Variants in TUBGCP3 observed in about 807,000 individuals in gnomAD.
TUBGCP3 encodes the protein tubulin gamma complex component 3, also known as gamma-tubulin complex component 3.
Under a neutral mutation model 123.1 loss-of-function variants are expected in TUBGCP3, and 50 were observed. The ratio of observed to expected loss-of-function variants is 0.41; its 90% CI spans 0.32 to 0.51. The LOEUF (loss-of-function observed/expected upper bound fraction) is 0.51. Ranked by LOEUF, TUBGCP3 falls within the 20% of genes least tolerant of loss-of-function variation. The probability of loss-of-function intolerance (pLI) is 0.36; values close to 1 mark genes in which losing one functional copy is unlikely to be tolerated. For missense variants in TUBGCP3, 882 were observed against 1,127.0 expected (o/e 0.78, Z 3.11); for synonymous variants, 405 against 413.9 (o/e 0.98, Z 0.26).
At chr13:112,549,570 CTTAA>C in intron 8 of TUBGCP3, among the ~76,000 whole-genome samples, 1 of 152,178 alleles carries the variant, frequency 6.6e-6, no homozygotes, top group Non-Finnish European at 1.5e-5. Context: ...CTTTCATGCT[CTTAA>C]TTAACAAAAT....
At position 112,526,956 on chromosome 13, in the gene TUBGCP3, T is replaced by C. The variant is rs1377560772; in HGVS notation, c.1541A>G (p.Glu514Gly). 1.9e-6 allele frequency: 3 copies of C among 1,613,736 alleles called. No homozygotes were observed. The highest frequency in any genetic ancestry group is 2.2e-5 in the South Asian group (2 of 91,076). The change falls in exon 13 of 22, where the codon GAG becomes GGG. Residue 514 changes from glutamate (E) to glycine (G), a missense_variant. Glu to Gly is a moderately conservative substitution (Grantham distance 98). Around this residue, in one of 3 missense-constraint regions of TUBGCP3, gnomAD observed 713 missense variants for 874.0 expected, o/e 0.82. Transcript: ENST00000261965. ...TKMIAVTKSAESPQDAADLFT... is the reference protein window; with the variant it reads ...TKMIAVTKSAGSPQDAADLFT... Reference sequence around the variant, plus strand: ...CATCATCATACCGTCCTGGGGTGACTCTGCAGACTTGGTCACAGCTATCAT... The same window carrying C: ...CATCATCATACCGTCCTGGGGTGACCCTGCAGACTTGGTCACAGCTATCAT...
intron 1 of TUBGCP3, among the ~76,000 whole-genome samples, chr13:112,578,240 A>T (rs889964546): frequency 6.6e-6 from 1 of 152,086 alleles, no homozygotes; most frequent in Non-Finnish European, 1.5e-5. Flanking sequence ...TTGCTCTCCC[A>T]GGATCGATTG....
chr13:112,554,832 T>G (rs559256185), intron 7 of TUBGCP3, 55 bp downstream of exon 7: 1 of 1,328,216 alleles, frequency 7.5e-7, no homozygotes, highest in African/African-American at 1.5e-5. Context: ...TATCTGGACT[T>G]CATGACATGT....
chr13:112,580,206 A>G (rs1186056791), intron 1 of TUBGCP3, among the ~76,000 whole-genome samples: 3 of 152,208 alleles, frequency 2.0e-5, no homozygotes. Flanking sequence ...GAACCTAAAC[A>G]CTGAGAATTT....
At chr13:112,516,240 G>C (rs1876111726) in intron 17 of TUBGCP3, among the ~76,000 whole-genome samples, 200 bp downstream of exon 17, 1 of 152,014 alleles carries the variant, frequency 6.6e-6, no homozygotes, top group Non-Finnish European at 1.5e-5. Context: ...TTAAAAATAG[G>C]CAATTTTTAA....
At position 112,526,945 on chromosome 13, in the gene TUBGCP3, C is replaced by T. The variant is rs751651831; in HGVS notation, c.1552G>A (p.Asp518Asn). ...CACCCCACCAGCATCATCATACCGT[C>T]CTGGGGTGACTCTGCAGACTTGGTC... ...AVTKSAESPQ[D>N]AADLFTDLEN... Residue 518 changes from aspartate to asparagine, a missense_variant, in exon 13 of 22, where the codon GAC (aspartate) becomes AAC (asparagine). Physicochemically the swap from Asp to Asn is conservative, Grantham distance 23. Coordinates refer to ENST00000261965, the MANE Select transcript of TUBGCP3 (RefSeq NM_006322.6). 1.9e-6 allele frequency: 3 copies of T among 1,611,714 alleles called. No homozygotes were observed. The highest frequency in any genetic ancestry group is 1.3e-5 in the African/African-American group (1 of 74,998).
At chr13:112,530,150 CAT>C (rs1361748811) in intron 11 of TUBGCP3, among the ~76,000 whole-genome samples, 3 of 152,112 alleles carry the variant, frequency 2.0e-5, no homozygotes, top group Non-Finnish European at 2.9e-5. Context: ...AACACTAGCA[CAT>C]GTGATTAGAA....
rs778717224 is a variant in TUBGCP3 at position 112,554,921 on chromosome 13, T to C, written c.806A>G (p.Asn269Ser). The C allele has an allele frequency of 6.2e-7, 1 of 1,612,646 alleles. No individual in the cohort carries two copies. Among genetic ancestry groups the C allele is most frequent in the South Asian group, 1.1e-5 (1 of 90,490 alleles). The change falls in exon 7 of 22, where the codon AAC (asparagine) becomes AGC (serine). Residue 269 changes from asparagine to serine, a missense_variant. This residue lies in a region of TUBGCP3 where 713 missense variants were observed against 874.0 expected (regional missense o/e 0.82). Transcript: ENST00000261965. ...TACTTTGTAACAATTTTCAGTGTTG[T>C]TCATTTTGATGTTTTTGCCATCTAT... is the stretch of plus-strand genomic sequence containing the variant. ...QGIDGKNIKM[N>S]NTENCYKVEG...
chr13:112,562,093 A>G (rs1880555948), intron 3 of TUBGCP3, among the ~76,000 whole-genome samples: 1 of 151,832 alleles, frequency 6.6e-6, no homozygotes, highest in South Asian at 2.1e-4. Flanking sequence ...GAATACCACC[A>G]GCCAGGACCC....
chr13:112,490,012 C>T (rs1879969841), intron 20 of TUBGCP3, among the ~76,000 whole-genome samples: 1 of 150,724 alleles, frequency 6.6e-6, no homozygotes, highest in African/African-American at 2.4e-5. Flanking sequence ...TTCTATCCTT[C>T]CCTCGTGCTG....
chr13:112,505,363 G>A (rs1019107906), intron 17 of TUBGCP3, among the ~76,000 whole-genome samples: 2 of 152,232 alleles, frequency 1.3e-5, no homozygotes, highest in Non-Finnish European at 2.9e-5. Flanking sequence ...AGGCCCATCA[G>A]TGAGGTGATT....
chr13:112,520,661 T>G (rs901996875), intron 14 of TUBGCP3, among the ~76,000 whole-genome samples: 8 of 152,236 alleles, frequency 5.3e-5, no homozygotes, highest in African/African-American at 1.9e-4. Context: ...TAATTTCCTT[T>G]TAGACCCAAT....
chr13:112,500,437 A>T (rs1880828945), intron 19 of TUBGCP3, among the ~76,000 whole-genome samples: 1 of 152,234 alleles, frequency 6.6e-6, no homozygotes, highest in Non-Finnish European at 1.5e-5. Context: ...AAAAAGAAGC[A>T]AAGGCAGACT....
At chr13:112,547,974 C>T in intron 9 of TUBGCP3, 134 bp downstream of exon 9, 1 of 908,748 alleles carries the variant, frequency 1.1e-6, no homozygotes, top group Non-Finnish European at 1.6e-6. Flanking sequence ...ATATTCAAAC[C>T]TTACAAATAA....
intron 3 of TUBGCP3, among the ~76,000 whole-genome samples, chr13:112,563,137 C>A (rs1348123679): frequency 3.3e-5 from 5 of 152,214 alleles, no homozygotes; most frequent in Non-Finnish European, 7.3e-5. Context: ...CTCCCGTCTC[C>A]ACGTCAACCT....
At chr13:112,521,587 A>T in intron 14 of TUBGCP3, 3 of 884,782 alleles carry the variant, frequency 3.4e-6, no homozygotes, top group Non-Finnish European at 4.1e-6. Context: ...GAGGCCTAAA[A>T]CAATTGCTTG....
chr13:112,545,933 C>T lies in TUBGCP3; in HGVS notation c.1169-68G>A, dbSNP rs976938911. The stretch of plus-strand genomic sequence containing the variant: ...CACTCATAGTACACACCAGTCACTT[C>T]TCACCAACCAAAGACGCCCAAGTAA... On this transcript the variant is annotated intron_variant, in intron 10 of 21. Transcript: ENST00000261965. This position sits in a 1 kb window ranked among gnomAD's most constrained non-coding sequence, Gnocchi z 4.1. The T allele has an allele frequency of 6.5e-6, 10 of 1,544,304 alleles. No homozygotes were observed. In the African/African-American group the frequency reaches 8.2e-5, roughly 13 times the overall value.
chr13:112,541,075 A>C (rs1032304028), intron 11 of TUBGCP3, among the ~76,000 whole-genome samples: 1 of 152,192 alleles, frequency 6.6e-6, no homozygotes, highest in Non-Finnish European at 1.5e-5. Context: ...TTAAAGAAAA[A>C]AGTACAGAAG....
chr13:112,507,472 G>A (rs985183854), intron 17 of TUBGCP3, among the ~76,000 whole-genome samples: 7 of 152,204 alleles, frequency 4.6e-5, no homozygotes, highest in Non-Finnish European at 2.9e-5. Context: ...AAAGTTTACC[G>A]TCACCTAAAA....
Sources: allele counts gnomAD v4.1 joint callset (sites outside exome capture counted in the v4.1 genomes callset), GRCh38; gene constraint gnomAD v4.1.1; regional missense constraint gnomAD v4.1.1; non-coding constraint Gnocchi (gnomAD v3.1); transcripts MANE v1.5; gene names NCBI Gene and HGNC (gene_info 2026-07-23, HGNC 2026-07-21).